The following CHST11 variants were observed in gnomAD, a reference collection of about 807,000 sequenced individuals.
CHST11 encodes the protein C4S-1.
In CHST11, 9 loss-of-function variants were observed where a neutral mutation model predicts 30.4. The ratio of observed to expected loss-of-function variants is 0.30; its 90% confidence interval spans 0.18 to 0.52. The LOEUF is 0.52. Among genes scored for constraint, CHST11 ranks in the 20% least tolerant of loss-of-function variants. CHST11 has a pLI of 0.97. For missense variants in CHST11, 348 were observed against 460.6 expected, an observed-to-expected ratio of 0.76 and a Z score of 2.24; for synonymous variants, 152 against 187.8, an observed-to-expected ratio of 0.81 and a Z score of 1.56.
At chr12:104,702,649 C>G (rs67931124) in intron 2 of CHST11, among the ~76,000 whole-genome samples, 1 of 152,016 alleles carries the variant, frequency 6.6e-6, no homozygotes, top group Non-Finnish European at 1.5e-5. Context: ...GCGACTCCCC[C>G]GCACTGGGGC....
intron 1 of CHST11, among the ~76,000 whole-genome samples, chr12:104,549,570 CAAAG>C (rs1020726806): frequency 6.6e-6 from 1 of 151,896 alleles, no homozygotes; most frequent in Non-Finnish European, 1.5e-5. Context: ...TGTGGGAAAA[CAAAG>C]GAAGGGAAGA....
At chr12:104,634,427 C>T (rs988902553) in intron 2 of CHST11, among the ~76,000 whole-genome samples, 3 of 152,302 alleles carry the variant, frequency 2.0e-5, no homozygotes, top group South Asian at 2.1e-4. Context: ...TAAGAGGAGC[C>T]GAGCTGGCTC....
chr12:104,517,908 A>G (rs917700254), intron 1 of CHST11, among the ~76,000 whole-genome samples: 3 of 152,192 alleles, frequency 2.0e-5, no homozygotes, highest in East Asian at 1.9e-4. Flanking sequence ...TACCTACTGC[A>G]TGTCAGTGCC....
chr12:104,648,305 A>G (rs1041817282), intron 2 of CHST11, among the ~76,000 whole-genome samples: 2 of 152,176 alleles, frequency 1.3e-5, no homozygotes, highest in African/African-American at 4.8e-5. Context: ...ATTTGAATTC[A>G]CTTAGTCCAA....
chr12:104,616,617 C>G (rs1327178658), intron 2 of CHST11, among the ~76,000 whole-genome samples: 1 of 152,144 alleles, frequency 6.6e-6, no homozygotes, highest in Non-Finnish European at 1.5e-5. Flanking sequence ...AGGCGCACAC[C>G]ACCACGCCTG....
chr12:104,641,763 A>G (rs1356874117), intron 2 of CHST11, among the ~76,000 whole-genome samples: 1 of 152,178 alleles, frequency 6.6e-6, no homozygotes, highest in Non-Finnish European at 1.5e-5. Context: ...CAAACATGAG[A>G]AGGAGGATGG....
chr12:104,547,847 G>A (rs1474985921), intron 1 of CHST11, among the ~76,000 whole-genome samples: 2 of 152,110 alleles, frequency 1.3e-5, no homozygotes, highest in African/African-American at 4.8e-5. Flanking sequence ...TAAAAAAAAG[G>A]ACTTTTGCCC....
chr12:104,486,023 CGTGTGTGCCT>C lies in CHST11; in HGVS notation c.118+28512_118+28521del, dbSNP rs1175321073. 2.8e-4 allele frequency among the ~76,000 whole-genome samples: 42 copies of C among 152,222 alleles called. 1 individual carries two copies. In the East Asian group the frequency reaches 4.1e-3, roughly 15 times the overall value. ...GTGGGCATGTGTGTGCATGTGTGCA[CGTGTGTGCCT>C]GTGTGTGCCTGTGTGTGTGTGCCCA... On this transcript the variant is annotated intron_variant, in intron 1 of 2. Coordinates refer to ENST00000303694, the MANE Select transcript of CHST11 (RefSeq NM_018413.6).
At chr12:104,696,820 C>G (rs1453093911) in intron 2 of CHST11, among the ~76,000 whole-genome samples, 1 of 152,046 alleles carries the variant, frequency 6.6e-6, no homozygotes, top group African/African-American at 2.4e-5. Flanking sequence ...ATATCTGGAC[C>G]CAGATACAAT....
At chr12:104,614,955 T>C (rs1592794999) in intron 2 of CHST11, among the ~76,000 whole-genome samples, 2 of 152,306 alleles carry the variant, frequency 1.3e-5, no homozygotes, top group African/African-American at 2.4e-5. Context: ...AGGCCAAAGA[T>C]GCACGAAACC....
intron 1 of CHST11, among the ~76,000 whole-genome samples, chr12:104,484,865 A>G (rs2037661328): frequency 6.6e-6 from 1 of 152,204 alleles, no homozygotes; most frequent in Non-Finnish European, 1.5e-5. Context: ...AAGCTAAGAC[A>G]TGAAGGATGT....
At chr12:104,542,838 T>C (rs1010181129) in intron 1 of CHST11, among the ~76,000 whole-genome samples, 29 of 152,232 alleles carry the variant, frequency 1.9e-4, no homozygotes, top group Non-Finnish European at 3.2e-4. Flanking sequence ...GAGATGTAAG[T>C]TCCCATTTAG....
At chr12:104,493,784 G>T (rs2037773368) in intron 1 of CHST11, among the ~76,000 whole-genome samples, 1 of 152,208 alleles carries the variant, frequency 6.6e-6, no homozygotes, top group African/African-American at 2.4e-5. Flanking sequence ...TCATCAGTGG[G>T]TGTGATGCTG....
chr12:104,657,527 A>T (rs187117091), intron 2 of CHST11, among the ~76,000 whole-genome samples: 89 of 152,254 alleles, frequency 5.8e-4, no homozygotes, highest in African/African-American at 2.0e-3. Flanking sequence ...GATGAAAAAA[A>T]AAACCCTCGA....
intron 2 of CHST11, among the ~76,000 whole-genome samples, chr12:104,724,339 G>A (rs1366270920): frequency 6.6e-6 from 1 of 152,158 alleles, no homozygotes; most frequent in Non-Finnish European, 1.5e-5. Context: ...GATGGGTACA[G>A]AGAATCCATA....
intron 2 of CHST11, among the ~76,000 whole-genome samples, chr12:104,700,688 ACTTTTT>A (rs1488749536): frequency 1.3e-5 from 2 of 152,170 alleles, no homozygotes; most frequent in Admixed American, 1.3e-4. Context: ...TGTTTCAAAA[ACTTTTT>A]CTTTTTGGCA....
At chr12:104,756,847 T>G in intron 2 of CHST11, 102 bp from the exon 3 acceptor site, 1 of 1,371,080 alleles carries the variant, frequency 7.3e-7, no homozygotes, top group Non-Finnish European at 1.0e-6. Flanking sequence ...GCACCCAGCT[T>G]AGATATGTGT....
At chr12:104,578,505 C>T (rs749192548) in intron 1 of CHST11, among the ~76,000 whole-genome samples, 1 of 152,148 alleles carries the variant, frequency 6.6e-6, no homozygotes, top group Non-Finnish European at 1.5e-5. Flanking sequence ...ATTTTCAGAA[C>T]CCCCTGCCTC....
intron 1 of CHST11, among the ~76,000 whole-genome samples, chr12:104,554,857 G>C (rs572443392): frequency 1.8e-4 from 27 of 152,284 alleles, no homozygotes; most frequent in African/African-American, 6.5e-4. Context: ...CAAAACCTAA[G>C]ACCCTGAGCC....
Sources: allele counts gnomAD v4.1 joint callset (sites outside exome capture counted in the v4.1 genomes callset), GRCh38; gene constraint gnomAD v4.1.1; transcripts MANE v1.5; gene names NCBI Gene and HGNC (gene_info 2026-07-23, HGNC 2026-07-21).